ANKRD44: variants seen among roughly 807,000 people sequenced by gnomAD.
ANKRD44 encodes the protein ankyrin repeat domain 44.
ANKRD44 carries 35 observed loss-of-function variants against 116.0 expected under a neutral mutation model. The observed-to-expected ratio is 0.30, with a 90% confidence interval of 0.23 to 0.40. ANKRD44 has a LOEUF of 0.40. Ranked by LOEUF, ANKRD44 falls within the 10% of genes least tolerant of loss-of-function variation. ANKRD44 has a pLI of 1.00. For missense variants in ANKRD44, 1,014 were observed against 1,242.6 expected (o/e 0.82, Z 2.77); for synonymous variants, 435 against 461.8 (o/e 0.94, Z 0.74).
intron 1 of ANKRD44, among the ~76,000 whole-genome samples, chr2:197,195,622 C>T (rs2080930724): frequency 6.6e-6 from 1 of 152,148 alleles, no homozygotes; most frequent in South Asian, 2.1e-4. Flanking sequence ...AGCCCAAATC[C>T]CTTGCCTCCG....
chr2:197,145,631 C>T (rs959240254), intron 3 of ANKRD44, among the ~76,000 whole-genome samples: 2 of 152,196 alleles, frequency 1.3e-5, no homozygotes, highest in African/African-American at 4.8e-5. Context: ...GTGGGGCACA[C>T]GTGTTTTGAG....
intron 2 of ANKRD44, chr2:197,147,765 G>T (rs1314081076): frequency 1.0e-5 from 4 of 387,946 alleles, no homozygotes; most frequent in African/African-American, 8.5e-5. Context: ...ATACACATGA[G>T]ATTATTTCAG....
intron 3 of ANKRD44, 122 bp downstream of exon 3, chr2:197,146,905 C>CTTCCATGAACATA (rs2079518774): frequency 2.9e-6 from 2 of 679,948 alleles, no homozygotes; most frequent in Non-Finnish European, 4.8e-6. Context: ...AATCGCCTAT[C>CTTCCATGAACATA]ACATAAACTT....
intron 1 of ANKRD44, among the ~76,000 whole-genome samples, chr2:197,278,314 T>A (rs1025235168): frequency 2.0e-5 from 3 of 149,632 alleles, no homozygotes; most frequent in Non-Finnish European, 3.0e-5. Context: ...CTGTTTTTTT[T>A]ATTCTGCATC....
chr2:196,990,377 C>T (rs1324025334), intron 27 of ANKRD44: 1 of 1,046,356 alleles, frequency 9.6e-7, no homozygotes, highest in African/African-American at 1.7e-5. Flanking sequence ...AGCTGCCTCT[C>T]TGCTGCATTA....
At chr2:197,044,531 T>G (rs935584841) in intron 16 of ANKRD44, among the ~76,000 whole-genome samples, 11 of 152,138 alleles carry the variant, frequency 7.2e-5, no homozygotes, top group African/African-American at 2.7e-4. Context: ...CAGCTAATTT[T>G]TGTATCTTTA....
chr2:197,130,801 A>C (rs1388336584), intron 4 of ANKRD44, among the ~76,000 whole-genome samples: 1 of 152,230 alleles, frequency 6.6e-6, no homozygotes, highest in Non-Finnish European at 1.5e-5. Context: ...TTTTAGAGGA[A>C]AGGGTAGAAC....
At chr2:197,214,515 T>G (rs1403153363) in intron 1 of ANKRD44, among the ~76,000 whole-genome samples, 9 of 152,030 alleles carry the variant, frequency 5.9e-5, no homozygotes, top group Admixed American at 1.3e-4. Context: ...AGAGGAAGAG[T>G]AAGAGAAAAA....
intron 21 of ANKRD44, among the ~76,000 whole-genome samples, chr2:196,975,012 A>C (rs766123085): frequency 2.0e-5 from 3 of 152,212 alleles, no homozygotes; most frequent in Non-Finnish European, 4.4e-5. Context: ...AAAACAATAG[A>C]GAAAATTAAC....
intron 21 of ANKRD44, among the ~76,000 whole-genome samples, chr2:197,005,123 G>A (rs1389899290): frequency 6.6e-6 from 1 of 151,910 alleles, no homozygotes; most frequent in Non-Finnish European, 1.5e-5. Context: ...TTAGAAAGTA[G>A]GTTTAGAAAT....
chr2:197,015,132 G>A (rs116000415), intron 17 of ANKRD44: 1 of 240,618 alleles, frequency 4.2e-6, no homozygotes, highest in Admixed American at 4.2e-5. Flanking sequence ...AGGGGCTTTG[G>A]TTTTGTGACC....
chr2:197,297,299 A>T (rs1285546992), intron 1 of ANKRD44, among the ~76,000 whole-genome samples: 1 of 152,126 alleles, frequency 6.6e-6, no homozygotes, highest in Non-Finnish European at 1.5e-5. Context: ...AAACAAACAA[A>T]CTCTTTCTAC....
At chr2:197,233,228 A>C (rs2081907021) in intron 1 of ANKRD44, among the ~76,000 whole-genome samples, 1 of 152,174 alleles carries the variant, frequency 6.6e-6, no homozygotes, top group Admixed American at 6.5e-5. Flanking sequence ...TGTGTTGAGC[A>C]GCAATTATGC....
At chr2:197,048,306 A>G (rs1294405865) in intron 16 of ANKRD44, among the ~76,000 whole-genome samples, 1 of 152,146 alleles carries the variant, frequency 6.6e-6, no homozygotes. Flanking sequence ...CGTCATTTAC[A>G]TTAGGTATTT....
chr2:196,980,861 T>C (rs1036559027), intron 21 of ANKRD44, among the ~76,000 whole-genome samples: 1 of 152,180 alleles, frequency 6.6e-6, no homozygotes, highest in African/African-American at 2.4e-5. Context: ...CAGCTCTTAG[T>C]ATCCATCTAC....
intron 25 of ANKRD44, among the ~76,000 whole-genome samples, chr2:196,996,170 G>A (rs1388679374): frequency 6.6e-6 from 1 of 152,200 alleles, no homozygotes; most frequent in Non-Finnish European, 1.5e-5. Context: ...CTGGGAGTTA[G>A]AACTGCTGAA....
chr2:197,274,833 C>G (rs189536523), intron 1 of ANKRD44, among the ~76,000 whole-genome samples: 33 of 152,228 alleles, frequency 2.2e-4, no homozygotes, highest in Admixed American at 1.4e-3. Context: ...TGGCTTACAC[C>G]TTGTAATCCT....
chr2:197,243,290 C>T (rs2082127027), intron 1 of ANKRD44, among the ~76,000 whole-genome samples: 1 of 151,470 alleles, frequency 6.6e-6, no homozygotes, highest in Non-Finnish European at 1.5e-5. Context: ...CAGCCAACAG[C>T]AGGAAGAAAG....
rs35338671 is a variant in ANKRD44 at position 197,126,017 on chromosome 2, A to C, written c.282T>G (p.Ile94Met). The change falls in exon 5 of 28, where the codon ATT becomes ATG. Residue 94 changes from isoleucine (I) to methionine (M), a missense_variant. Ile to Met is a conservative substitution (Grantham distance 10). Coordinates refer to ENST00000282272, the MANE Select transcript of ANKRD44 (RefSeq NM_001195144.2). ...SRSEEAVQVL[I>M]KHSADVNARD... ...TTGCATTGACATCAGCTGAGTGCTT[A>C]ATCAAAACCTGTACTGCTTCCTACA... The C allele has an allele frequency of 0.05, 79,912 of 1,614,126 alleles. 2,211 individuals carry two copies. Among genetic ancestry groups the C allele is most frequent in the Middle Eastern group, 0.062 (374 of 6,062 alleles).
Sources: gnomAD v4.1 joint callset for allele counts (sites outside exome capture counted in the v4.1 genomes callset) on GRCh38, gnomAD v4.1.1 for gene constraint, MANE v1.5 for transcripts, NCBI Gene and HGNC (gene_info 2026-07-23, HGNC 2026-07-21) for gene names.